THOC1: variants seen among roughly 807,000 people sequenced by gnomAD.
THOC1 encodes THO complex subunit 1, also known as THO complex 1.
A neutral mutation model predicts 97.3 loss-of-function variants in THOC1; 29 were observed. That is an observed-to-expected ratio of 0.30 (90% CI 0.22 to 0.41). The LOEUF is 0.41. Ranked by LOEUF, THOC1 falls within the 10% of genes least tolerant of loss-of-function variation. The pLI is 1.00. For missense variants in THOC1, 529 were observed against 761.9 expected (o/e 0.69, Z 3.60); for synonymous variants, 255 against 257.0 (o/e 0.99, Z 0.07).
chr18:241,757 C>T (rs1911909602), intron 11 of THOC1, among the ~76,000 whole-genome samples: 1 of 152,178 alleles, frequency 6.6e-6, no homozygotes, highest in South Asian at 2.1e-4. Context: ...AAATGTTGTT[C>T]TGCTTTTACA....
intron 9 of THOC1, among the ~76,000 whole-genome samples, chr18:249,473 C>G (rs1041907123): frequency 6.6e-6 from 1 of 151,964 alleles, no homozygotes; most frequent in Non-Finnish European, 1.5e-5. Flanking sequence ...ACCAGCCTGA[C>G]CAACATACTG....
chr18:248,968 T>C (rs1912186286), intron 9 of THOC1, among the ~76,000 whole-genome samples: 1 of 152,120 alleles, frequency 6.6e-6, no homozygotes, highest in Admixed American at 6.5e-5. Context: ...TCCAGGATGG[T>C]CTCGAGTTCC....
intron 11 of THOC1, among the ~76,000 whole-genome samples, chr18:238,550 T>C (rs539885278): frequency 6.6e-6 from 1 of 152,356 alleles, no homozygotes; most frequent in South Asian, 2.1e-4. Flanking sequence ...TACGAACCTG[T>C]AGAGCATGTT....
rs749064545 is a variant in THOC1 at position 252,541 on chromosome 18, C to T, written c.675G>A (p.Thr225=). ...GEMGDEEAPT[T]CSIPIDYNLY... ...AAGCTTAGGCTCTGAAAACTCACCA[C>T]GTTGTTGGAGCTTCCTCGTCTCCCA... The change falls in exon 9 of 21, where the codon ACG becomes ACA. Residue 225 remains threonine, a splice_region_variant and synonymous_variant. Coordinates refer to ENST00000261600, the MANE Select transcript of THOC1 (RefSeq NM_005131.3). 1.9e-5 allele frequency: 31 copies of T among 1,610,902 alleles called. No homozygotes were observed. The South Asian group carries it at 2.0e-4, about 10-fold the overall frequency.
chr18:265,643 G>A, intron 1 of THOC1, 113 bp from the exon 2 acceptor site: 1 of 754,898 alleles, frequency 1.3e-6, no homozygotes, highest in Non-Finnish European at 2.1e-6. Flanking sequence ...TTATACCTGG[G>A]AAAAATTACC....
chr18:261,738 G>T (rs1912613094), intron 4 of THOC1, among the ~76,000 whole-genome samples: 1 of 152,160 alleles, frequency 6.6e-6, no homozygotes, highest in Non-Finnish European at 1.5e-5. Flanking sequence ...TCTGCCCTTA[G>T]TTGCAGTATA....
chr18:259,468 A>T (rs1296498124), intron 6 of THOC1, among the ~76,000 whole-genome samples, 193 bp from the exon 7 acceptor site: 1 of 152,126 alleles, frequency 6.6e-6, no homozygotes, highest in Admixed American at 6.5e-5. Flanking sequence ...TGACATGAAA[A>T]AGACAAACTT....
intron 11 of THOC1, among the ~76,000 whole-genome samples, chr18:239,371 C>G (rs1598298056): frequency 1.3e-5 from 2 of 152,126 alleles, no homozygotes; most frequent in South Asian, 4.1e-4. Context: ...GTGGTGTGAT[C>G]TCAGCTCACT....
Position 215,695 on chromosome 18 carries a change from C to CTTGGGAAGACCTCAGAG in THOC1, c.1603-208_1603-192dup, listed in dbSNP as rs1398867542. 5.6e-6 allele frequency: 3 copies of CTTGGGAAGACCTCAGAG among 537,332 alleles called. No individual in the cohort carries two copies. In the African/African-American group the frequency reaches 5.7e-5, roughly 10 times the overall value. 33.3% of individuals were successfully genotyped at this position (537,332 alleles called of 1,614,324 possible). On this transcript the variant is annotated intron_variant, in intron 19 of 20. Coordinates refer to ENST00000261600, the MANE Select transcript of THOC1 (RefSeq NM_005131.3). Reference sequence around the variant, plus strand: ...TATCTTCACCTGCAGAAGGAGTGAACTTGGGAAGACCTCAGAGTTGGAAAG... The same window carrying CTTGGGAAGACCTCAGAG: ...TATCTTCACCTGCAGAAGGAGTGAACTTGGGAAGACCTCAGAGTTGGGAAGACCTCAGAGTTGGAAAG...
chr18:217,523 AT>A (rs1306235123), intron 18 of THOC1, among the ~76,000 whole-genome samples: 1 of 152,224 alleles, frequency 6.6e-6, no homozygotes, highest in African/African-American at 2.4e-5. Flanking sequence ...TATTCTTTCA[AT>A]CGACAAACAC....
chr18:241,997 TA>T (rs59793865), intron 11 of THOC1, among the ~76,000 whole-genome samples: 289 of 152,348 alleles, frequency 1.9e-3, no homozygotes, highest in African/African-American at 4.8e-3. Context: ...AAAAGGGAAC[TA>T]TACTGTTGGG....
At chr18:222,106 T>C (rs1457182159) in intron 17 of THOC1, among the ~76,000 whole-genome samples, 2 of 152,208 alleles carry the variant, frequency 1.3e-5, no homozygotes, top group East Asian at 1.9e-4. Flanking sequence ...AAATTACATA[T>C]TCCATTTCTT....
chr18:243,799 T>C (rs1053509818), intron 11 of THOC1, among the ~76,000 whole-genome samples: 1 of 152,198 alleles, frequency 6.6e-6, no homozygotes, highest in African/African-American at 2.4e-5. Flanking sequence ...TTGAATTCTT[T>C]AGTTAACCAA....
intron 1 of THOC1, among the ~76,000 whole-genome samples, chr18:266,722 AGACGGGGCTTTGCCAT>A (rs1249013197): frequency 6.6e-6 from 1 of 152,134 alleles, no homozygotes. Context: ...TTTTTAGTAG[AGACGGGGCTTTGCCAT>A]GTTGGCCAGG....
chr18:245,263 C>G (rs1320915085), intron 11 of THOC1: 1 of 152,068 alleles, frequency 6.6e-6, no homozygotes, highest in African/African-American at 2.4e-5. Flanking sequence ...GAGTTTTGAA[C>G]AGGAGCCTTT....
At chr18:243,423 A>G (rs1297372093) in intron 11 of THOC1, among the ~76,000 whole-genome samples, 1 of 152,038 alleles carries the variant, frequency 6.6e-6, no homozygotes, top group African/African-American at 2.4e-5. Context: ...TAGAAATGCT[A>G]TTTGTTCGGG....
In THOC1 at chr18:254,055, C is replaced by G. The variant is rs1290531753; in HGVS notation, c.603+218G>C. Among the ~76,000 whole-genome samples, 1 of 151,722 alleles carries G rather than the reference C, an allele frequency of 6.6e-6. No individual in the cohort carries two copies. Among genetic ancestry groups the G allele is most frequent in the African/African-American group, 2.4e-5 (1 of 41,298 alleles). On this transcript the variant is annotated intron_variant, in intron 8 of 20. Transcript: ENST00000261600. The surrounding 1 kb of genome is among the most constrained non-coding windows in gnomAD (Gnocchi z 4.1). ...CCTCTCGAGTAGCTGGGACCACAGG[C>G]GTGCACCACCATGCCCTGCTAATTT...
chr18:216,399 T>C, intron 19 of THOC1, 87 bp downstream of exon 19: 3 of 1,430,034 alleles, frequency 2.1e-6, no homozygotes, highest in Non-Finnish European at 2.8e-6. Context: ...TTTCACATGA[T>C]TAAGTCAGTT....
chr18:241,643 A>G (rs1426365986), intron 11 of THOC1, among the ~76,000 whole-genome samples: 2 of 152,218 alleles, frequency 1.3e-5, no homozygotes, highest in Non-Finnish European at 2.9e-5. Flanking sequence ...CCTAAAGCCT[A>G]TATCTAATTA....
Sources: gnomAD v4.1 joint callset for allele counts (sites outside exome capture counted in the v4.1 genomes callset) on GRCh38, gnomAD v4.1.1 for gene constraint, Gnocchi (gnomAD v3.1) non-coding constraint, MANE v1.5 for transcripts, NCBI Gene and HGNC (gene_info 2026-07-23, HGNC 2026-07-21) for gene names.